Variants in ROBO2 observed in about 807,000 individuals in gnomAD.
ROBO2 encodes the protein roundabout homolog 2.
A neutral mutation model predicts 160.8 loss-of-function variants in ROBO2; 53 were observed. The observed-to-expected ratio is 0.33, with a 90% CI of 0.26 to 0.41. The LOEUF is 0.41. Ranked by LOEUF, ROBO2 falls within the 10% of genes least tolerant of loss-of-function variation. The pLI, the probability that ROBO2 is intolerant of heterozygous loss-of-function variation, is 1.00. For missense variants in ROBO2, 1,577 were observed against 1,722.4 expected (o/e 0.92, Z 1.49); for synonymous variants, 664 against 611.7 (o/e 1.09, Z -1.26).
At chr3:77,327,208 T>C (rs764353579) in intron 2 of ROBO2, among the ~76,000 whole-genome samples, 2 of 152,224 alleles carry the variant, frequency 1.3e-5, no homozygotes, top group Non-Finnish European at 1.5e-5. Flanking sequence ...ATGTAACTAG[T>C]ACAAGTTCTG....
intron 2 of ROBO2, among the ~76,000 whole-genome samples, chr3:76,942,667 G>A (rs1364727144): frequency 1.3e-5 from 2 of 151,394 alleles, no homozygotes; most frequent in Non-Finnish European, 2.9e-5. Context: ...GTAGCCTAGA[G>A]AAAGTGCTGG....
At chr3:77,609,793 T>TAA (rs139780580) in intron 21 of ROBO2, among the ~76,000 whole-genome samples, 1 of 38,220 alleles carries the variant, frequency 2.6e-5, no homozygotes, top group Non-Finnish European at 6.3e-5. Context: ...TATATATACA[T>TAA]ATATATATAT....
intron 2 of ROBO2, among the ~76,000 whole-genome samples, chr3:76,478,636 G>A (rs991065535): frequency 6.7e-6 from 1 of 150,098 alleles, no homozygotes; most frequent in Non-Finnish European, 1.5e-5. Context: ...TTAAACAGTT[G>A]CATACTAACC....
intron 2 of ROBO2, among the ~76,000 whole-genome samples, chr3:76,325,926 A>G (rs759038757): frequency 6.6e-6 from 1 of 152,162 alleles, no homozygotes; most frequent in Non-Finnish European, 1.5e-5. Context: ...TCAAGATTCC[A>G]TTATTCTGAG....
At chr3:77,221,562 G>A (rs190582508) in intron 2 of ROBO2, among the ~76,000 whole-genome samples, 213 of 151,892 alleles carry the variant, frequency 1.4e-3, no homozygotes, top group Non-Finnish European at 2.3e-3. Context: ...CTCTGTTTTG[G>A]TCTCTCCCTA....
intron 2 of ROBO2, among the ~76,000 whole-genome samples, chr3:77,404,611 C>T (rs13081243): frequency 0.12 from 18,389 of 152,062 alleles, 1,336 homozygotes; most frequent in East Asian, 0.25. Context: ...AAAATTCCCT[C>T]CAAATGACTA....
At chr3:77,632,386 A>G in intron 23 of ROBO2, 1 of 923,244 alleles carries the variant, frequency 1.1e-6, no homozygotes, top group Non-Finnish European at 1.5e-6. Flanking sequence ...AGAAGCATGG[A>G]CAACTTACTT....
chr3:76,827,110 A>G (rs1285358598), intron 2 of ROBO2, among the ~76,000 whole-genome samples: 2 of 152,162 alleles, frequency 1.3e-5, no homozygotes, highest in Non-Finnish European at 2.9e-5. Flanking sequence ...GGTATCGTTC[A>G]GAAATTTTGT....
intron 1 of ROBO2, among the ~76,000 whole-genome samples, chr3:77,070,037 C>T (rs144870576): frequency 2.0e-4 from 30 of 152,120 alleles, no homozygotes; most frequent in African/African-American, 6.3e-4. Context: ...AATTTGGATA[C>T]GGAGACACAA....
intron 2 of ROBO2, among the ~76,000 whole-genome samples, chr3:77,333,594 C>A (rs1312082900): frequency 6.6e-6 from 1 of 152,124 alleles, no homozygotes; most frequent in Non-Finnish European, 1.5e-5. Context: ...CTCATGAAAG[C>A]AAACCTGGCA....
chr3:77,198,918 A>G (rs2082561666), intron 2 of ROBO2, among the ~76,000 whole-genome samples: 1 of 152,164 alleles, frequency 6.6e-6, no homozygotes, highest in Non-Finnish European at 1.5e-5. Flanking sequence ...AAAAGAAAAA[A>G]GAAAAAAGAA....
intron 2 of ROBO2, among the ~76,000 whole-genome samples, chr3:76,788,605 T>C (rs1021203617): frequency 5.9e-5 from 9 of 151,630 alleles, no homozygotes; most frequent in African/African-American, 2.2e-4. Flanking sequence ...TTTTAGCAGA[T>C]TGACAGGAAA....
intron 1 of ROBO2, among the ~76,000 whole-genome samples, chr3:77,085,581 G>C (rs945740926): frequency 6.6e-6 from 1 of 151,996 alleles, no homozygotes; most frequent in African/African-American, 2.4e-5. Flanking sequence ...CCATAAGCCC[G>C]AGTTGTATTT....
intron 2 of ROBO2, among the ~76,000 whole-genome samples, chr3:76,490,266 T>TA (rs1331921924): frequency 6.6e-6 from 1 of 152,192 alleles, no homozygotes; most frequent in South Asian, 2.1e-4. Flanking sequence ...TGTCACAACC[T>TA]AAAACACTTC....
intron 2 of ROBO2, among the ~76,000 whole-genome samples, chr3:77,013,187 C>A (rs2062020701): frequency 6.6e-6 from 1 of 151,906 alleles, no homozygotes; most frequent in African/African-American, 2.4e-5. Flanking sequence ...TATCCTTAAT[C>A]TAATAAGAAT....
chr3:77,325,435 T>A (rs188465174), intron 2 of ROBO2, among the ~76,000 whole-genome samples: 2 of 152,200 alleles, frequency 1.3e-5, no homozygotes, highest in African/African-American at 4.8e-5. Context: ...ACACTTTGAC[T>A]GGACTGACAT....
chr3:77,404,415 A>G (rs1413895335), intron 2 of ROBO2, among the ~76,000 whole-genome samples: 2 of 152,318 alleles, frequency 1.3e-5, no homozygotes, highest in African/African-American at 4.8e-5. Context: ...GAGCCTACAG[A>G]TGTCATTATT....
intron 2 of ROBO2, among the ~76,000 whole-genome samples, chr3:75,993,936 TTATCAATAC>T (rs2065649507): frequency 6.6e-6 from 1 of 152,216 alleles, no homozygotes; most frequent in Non-Finnish European, 1.5e-5. Context: ...GCTGTTTTGT[TTATCAATAC>T]TATTTACTTT....
intron 2 of ROBO2, among the ~76,000 whole-genome samples, chr3:76,300,879 A>G (rs1251139137): frequency 1.3e-5 from 2 of 152,068 alleles, no homozygotes; most frequent in Non-Finnish European, 2.9e-5. Flanking sequence ...ATGCTACAGG[A>G]CACAGGACAA....
Sources: allele counts gnomAD v4.1 joint callset (sites outside exome capture counted in the v4.1 genomes callset), GRCh38; gene constraint gnomAD v4.1.1; transcripts MANE v1.5; gene names NCBI Gene and HGNC (gene_info 2026-07-23, HGNC 2026-07-21).